The following CTNNA2 variants were observed in gnomAD, a reference collection of about 807,000 sequenced individuals.
CTNNA2 encodes catenin alpha 2, also known as catenin alpha-2.
In CTNNA2, 42 loss-of-function variants were observed where a neutral mutation model predicts 101.0. That is an observed-to-expected ratio of 0.42 (90% CI 0.32 to 0.54). CTNNA2 has a LOEUF of 0.54. CTNNA2 is among the 20% of genes least tolerant of loss of function. The probability of loss-of-function intolerance (pLI) is 0.14; values close to 1 mark genes in which losing one functional copy is unlikely to be tolerated. For synonymous variants in CTNNA2, 450 were observed against 456.4 expected (o/e 0.99, Z 0.18); for missense variants, 871 against 1,223.1 (o/e 0.71, Z 4.29).
chr2:79,493,565 G>A (rs185036463), intron 4 of CTNNA2, among the ~76,000 whole-genome samples: 3 of 152,256 alleles, frequency 2.0e-5, no homozygotes, highest in Admixed American at 1.3e-4. Context: ...GCAGTGAGCC[G>A]AGACCGCAAC....
chr2:79,657,572 T>G (rs1051665736), intron 2 of CTNNA2, among the ~76,000 whole-genome samples: 3 of 151,870 alleles, frequency 2.0e-5, no homozygotes, highest in Non-Finnish European at 4.4e-5. Flanking sequence ...TTAATCATTT[T>G]TTAGAGAATC....
chr2:79,864,497 T>C (rs1338175761), intron 4 of CTNNA2, among the ~76,000 whole-genome samples: 2 of 152,182 alleles, frequency 1.3e-5, no homozygotes, highest in African/African-American at 2.4e-5. Flanking sequence ...AATAATTTGA[T>C]TCAGATTAGT....
chr2:79,888,132 A>G (rs1684030973), intron 6 of CTNNA2, among the ~76,000 whole-genome samples: 2 of 152,210 alleles, frequency 1.3e-5, no homozygotes, highest in African/African-American at 4.8e-5. Context: ...ATGCAAGTCC[A>G]GCTAATTCTT....
intron 9 of CTNNA2, among the ~76,000 whole-genome samples, chr2:80,540,354 T>C (rs150718220): frequency 9.2e-5 from 14 of 152,274 alleles, no homozygotes; most frequent in African/African-American, 3.4e-4. Context: ...CCTAGCACTT[T>C]GGGAGGCCGA....
chr2:80,073,800 T>C (rs930284490), intron 7 of CTNNA2, among the ~76,000 whole-genome samples: 1 of 151,694 alleles, frequency 6.6e-6, no homozygotes, highest in African/African-American at 2.4e-5. Flanking sequence ...ATCACATATG[T>C]TGTTTTATAA....
intron 7 of CTNNA2, among the ~76,000 whole-genome samples, chr2:79,923,753 C>T (rs949064926): frequency 1.3e-5 from 2 of 152,118 alleles, no homozygotes; most frequent in African/African-American, 2.4e-5. Context: ...TTTCATCCCC[C>T]TCGCTGCTCA....
At chr2:79,710,452 G>C (rs1032969456) in intron 2 of CTNNA2, among the ~76,000 whole-genome samples, 1 of 152,186 alleles carries the variant, frequency 6.6e-6, no homozygotes, top group Non-Finnish European at 1.5e-5. Flanking sequence ...CTTTCTGTTT[G>C]TAGGAAGAAA....
intron 17 of CTNNA2, among the ~76,000 whole-genome samples, chr2:80,611,891 C>G (rs1040767030): frequency 6.6e-6 from 1 of 151,382 alleles, no homozygotes; most frequent in Non-Finnish European, 1.5e-5. Context: ...ATGAGGAATT[C>G]AATGTTCAGG....
At chr2:79,913,937 GC>G (rs374911294) in intron 7 of CTNNA2, among the ~76,000 whole-genome samples, 11,365 of 151,964 alleles carry the variant, frequency 0.075, 472 homozygotes, top group Middle Eastern at 0.12. Context: ...GGAGGCCGAG[GC>G]GGGCGGATCA....
chr2:79,327,571 AG>A (rs1676775602), intron 3 of CTNNA2, among the ~76,000 whole-genome samples: 1 of 152,200 alleles, frequency 6.6e-6, no homozygotes, highest in African/African-American at 2.4e-5. Context: ...GTCATAACAA[AG>A]GATTCTGCTA....
At chr2:80,603,789 T>A (rs1443339302) in intron 15 of CTNNA2, 1 of 330,352 alleles carries the variant, frequency 3.0e-6, no homozygotes, top group Non-Finnish European at 5.6e-6. Context: ...ACTATAAAAT[T>A]TTCATTTCTC....
intron 4 of CTNNA2, among the ~76,000 whole-genome samples, chr2:79,486,872 G>A (rs1030759798): frequency 2.6e-5 from 4 of 152,038 alleles, no homozygotes; most frequent in Non-Finnish European, 4.4e-5. Context: ...TCGTATTGCT[G>A]GTATAATTTA....
intron 7 of CTNNA2, among the ~76,000 whole-genome samples, chr2:79,924,318 T>G (rs537524405): frequency 2.6e-5 from 4 of 152,236 alleles, no homozygotes; most frequent in African/African-American, 9.6e-5. Flanking sequence ...AATTGTGTTG[T>G]TCTGAGCTTC....
intron 7 of CTNNA2, among the ~76,000 whole-genome samples, chr2:80,173,935 G>A (rs1040846706): frequency 6.6e-6 from 1 of 152,032 alleles, no homozygotes; most frequent in Non-Finnish European, 1.5e-5. Context: ...CTTCTCTCCC[G>A]CTCCAACACC....
intron 9 of CTNNA2, among the ~76,000 whole-genome samples, chr2:80,528,641 C>G (rs1217605173): frequency 6.6e-6 from 1 of 152,048 alleles, no homozygotes; most frequent in African/African-American, 2.4e-5. Flanking sequence ...TCATGAATCT[C>G]ATGGGTTCTA....
rs373816978 is a variant in CTNNA2, at chr2:80,574,291, A to C, written c.1870A>C (p.Arg624=). 6.2e-7 allele frequency: 1 copy of C among 1,612,764 alleles called. No individual in the cohort carries two copies. Among genetic ancestry groups the C allele is most frequent in the Non-Finnish European group, 8.5e-7 (1 of 1,179,080 alleles). Residue 624 remains arginine (R), a synonymous_variant, in exon 13 of 19, where the codon AGA becomes CGA. Transcript: ENST00000402739. ...GGTGTATGATGGCGTTCGGGACATCAGAAAGGCTGTGCTGATGATCAGGGT... is the reference window on the plus strand; with the variant it reads ...GGTGTATGATGGCGTTCGGGACATCCGAAAGGCTGTGCTGATGATCAGGGT... ...RLVYDGVRDI[R]KAVLMIRTPE...
chr2:79,573,245 C>A lies in CTNNA2; in HGVS notation c.-6+60038C>A, dbSNP rs1457272406. Among the ~76,000 whole-genome samples, 4 of 152,094 alleles carry A rather than the reference C, an allele frequency of 2.6e-5. No individual in the cohort carries two copies. In the East Asian group the frequency reaches 7.7e-4, roughly 29 times the overall value. On this transcript the variant is annotated intron_variant, in intron 1 of 18. Transcript: ENST00000402739. ...ATTCCTTACAACGAACTTTTTTTGTCAATATCCTTTTCAAAGTAGGAAGTC... is the reference window on the plus strand; with the variant it reads ...ATTCCTTACAACGAACTTTTTTTGTAAATATCCTTTTCAAAGTAGGAAGTC...
At chr2:80,083,957 G>T (rs114535909) in intron 7 of CTNNA2, among the ~76,000 whole-genome samples, 17 of 152,144 alleles carry the variant, frequency 1.1e-4, no homozygotes, top group African/African-American at 3.9e-4. Flanking sequence ...CCACAGAGAG[G>T]TAATGTATCT....
At chr2:80,515,994 T>G (rs1689078937) in intron 9 of CTNNA2, among the ~76,000 whole-genome samples, 1 of 152,236 alleles carries the variant, frequency 6.6e-6, no homozygotes, top group Non-Finnish European at 1.5e-5. Flanking sequence ...CACACTATTC[T>G]GTCTCTTCTC....
Sources: gnomAD v4.1 joint callset for allele counts (sites outside exome capture counted in the v4.1 genomes callset) on GRCh38, gnomAD v4.1.1 for gene constraint, MANE v1.5 for transcripts, NCBI Gene and HGNC (gene_info 2026-07-23, HGNC 2026-07-21) for gene names.